Variants in TENM4 observed in about 807,000 individuals in gnomAD.
The protein encoded by TENM4 is teneurin transmembrane protein 4, also known as teneurin-4.
TENM4 carries 82 observed loss-of-function variants against 243.3 expected under a neutral mutation model. That is an observed-to-expected ratio of 0.34 (90% CI 0.28 to 0.40). The LOEUF (loss-of-function observed/expected upper bound fraction) is 0.40, where lower values mean the gene tolerates loss of function less well. TENM4 is among the 10% of genes least tolerant of loss of function. TENM4 has a pLI of 1.00. For synonymous variants in TENM4, 1,412 were observed against 1,456.3 expected (o/e 0.97, Z 0.69); for missense variants, 3,138 against 3,673.3 (o/e 0.85, Z 3.77).
chr11:78,911,501 G>A (rs1302554518), intron 6 of TENM4, among the ~76,000 whole-genome samples: 4 of 152,224 alleles, frequency 2.6e-5, no homozygotes, highest in Admixed American at 2.6e-4. Flanking sequence ...AAGAGAGAGA[G>A]GCTGGAGTAA....
intron 23 of TENM4, among the ~76,000 whole-genome samples, chr11:78,724,487 G>C (rs77767145): frequency 0.035 from 5,339 of 152,286 alleles, 271 homozygotes; most frequent in African/African-American, 0.11. Flanking sequence ...AGTGTGAAGT[G>C]AGGACTTAAT....
In TENM4 at chr11:79,438,289, C is replaced by T. The variant is rs1859320633; in HGVS notation, c.-321+2220G>A. 6.6e-6 allele frequency among the ~76,000 whole-genome samples: 1 copy of T among 152,186 alleles called. No individual in the cohort carries two copies. The highest frequency in any genetic ancestry group is 1.5e-5 in the Non-Finnish European group (1 of 68,030). ...TAAAAGCATACTCTTACTGTGGTTT[C>T]TCTATCAAAGCCCATCAACGTGATA... On this transcript the variant is annotated intron_variant, in intron 1 of 33. Transcript: ENST00000278550. The surrounding 1 kb of genome is among the most constrained non-coding windows in gnomAD (Gnocchi z 4.1).
intron 4 of TENM4, among the ~76,000 whole-genome samples, chr11:79,102,385 T>C (rs562189440): frequency 6.6e-6 from 1 of 152,294 alleles, no homozygotes; most frequent in East Asian, 1.9e-4. Flanking sequence ...CATGGGCTGG[T>C]GCAATGGTAA....
chr11:79,021,160 C>G (rs1858916679), intron 6 of TENM4, among the ~76,000 whole-genome samples: 1 of 152,166 alleles, frequency 6.6e-6, no homozygotes, highest in Admixed American at 6.5e-5. Flanking sequence ...GAAAGTGACT[C>G]TTTATTCTAC....
chr11:79,330,381 T>A (rs2135443443), intron 1 of TENM4, among the ~76,000 whole-genome samples: 1 of 152,272 alleles, frequency 6.6e-6, no homozygotes, highest in Admixed American at 6.5e-5. Flanking sequence ...CTCTGCTCAG[T>A]CCCTGCCTTC....
At chr11:79,224,858 G>A (rs1864232333) in intron 2 of TENM4, among the ~76,000 whole-genome samples, 1 of 152,040 alleles carries the variant, frequency 6.6e-6, no homozygotes, top group South Asian at 2.1e-4. Flanking sequence ...GGCTGAGACA[G>A]GAGAATCACT....
chr11:79,337,492 G>C (rs1857166108), intron 1 of TENM4, among the ~76,000 whole-genome samples: 1 of 152,176 alleles, frequency 6.6e-6, no homozygotes, highest in Non-Finnish European at 1.5e-5. Context: ...TTTGAAATTG[G>C]AATTGAGGAG....
At chr11:79,268,681 G>T (rs1428529740) in intron 2 of TENM4, among the ~76,000 whole-genome samples, 1 of 152,170 alleles carries the variant, frequency 6.6e-6, no homozygotes, top group Admixed American at 6.5e-5. Flanking sequence ...CCCAGCTGAG[G>T]TTAAACAAAA....
At chr11:79,254,084 T>C (rs548573588) in intron 2 of TENM4, among the ~76,000 whole-genome samples, 216 of 152,254 alleles carry the variant, frequency 1.4e-3, no homozygotes, top group Non-Finnish European at 2.7e-3. Flanking sequence ...TCGATGGGAG[T>C]GTCCACTGGT....
intron 3 of TENM4, among the ~76,000 whole-genome samples, chr11:79,187,625 T>A (rs766133617): frequency 6.6e-6 from 1 of 152,190 alleles, no homozygotes; most frequent in Non-Finnish European, 1.5e-5. Flanking sequence ...TCCCACTAGT[T>A]CCTATGTTGA....
chr11:79,383,422 C>A (rs376666806), intron 1 of TENM4, among the ~76,000 whole-genome samples: 6 of 152,362 alleles, frequency 3.9e-5, no homozygotes, highest in African/African-American at 1.2e-4. Context: ...CCACAAAACA[C>A]TTCCTTCATT....
intron 22 of TENM4, among the ~76,000 whole-genome samples, chr11:78,728,956 T>G (rs942679099): frequency 3.3e-5 from 5 of 151,946 alleles, no homozygotes; most frequent in Non-Finnish European, 1.5e-5. Context: ...CCAAAAAGCA[T>G]TTTTGATGGA....
chr11:79,367,566 T>C (rs147623343), intron 1 of TENM4, among the ~76,000 whole-genome samples: 22 of 152,358 alleles, frequency 1.4e-4, no homozygotes, highest in African/African-American at 4.6e-4. Flanking sequence ...ATTTTGTCCA[T>C]AGCTACTTGT....
At chr11:78,670,643 G>T in intron 31 of TENM4, 92 bp from the exon 32 acceptor site, 1 of 1,247,514 alleles carries the variant, frequency 8.0e-7, no homozygotes, top group Non-Finnish European at 1.1e-6. Flanking sequence ...CGGAATGAAT[G>T]TCCAAGGAGA....
At chr11:79,373,338 A>G (rs12791196) in intron 1 of TENM4, among the ~76,000 whole-genome samples, 2 of 148,186 alleles carry the variant, frequency 1.3e-5, no homozygotes, top group East Asian at 2.1e-4. Flanking sequence ...GGCTGGATGG[A>G]TGGATGGATG....
chr11:79,041,128 A>G (rs1328891444), intron 6 of TENM4, among the ~76,000 whole-genome samples: 1 of 151,918 alleles, frequency 6.6e-6, no homozygotes, highest in African/African-American at 2.4e-5. Context: ...CAGTGGCACA[A>G]TCTTAGCTCA....
intron 6 of TENM4, among the ~76,000 whole-genome samples, chr11:78,957,382 T>A (rs1246778542): frequency 1.3e-5 from 2 of 152,212 alleles, no homozygotes; most frequent in Non-Finnish European, 2.9e-5. Context: ...CACTGGACCT[T>A]CCTTTCAACT....
intron 6 of TENM4, among the ~76,000 whole-genome samples, chr11:79,023,984 G>A (rs1220057186): frequency 1.3e-5 from 2 of 152,232 alleles, no homozygotes; most frequent in Admixed American, 6.5e-5. Context: ...ACAGTTCAGA[G>A]AAGTTAAATA....
At chr11:79,275,457 A>G (rs921530877) in intron 2 of TENM4, among the ~76,000 whole-genome samples, 1 of 152,262 alleles carries the variant, frequency 6.6e-6, no homozygotes, top group African/African-American at 2.4e-5. Flanking sequence ...TGCACTCTGC[A>G]GGTGAGAAGA....
Sources: allele counts gnomAD v4.1 joint callset (sites outside exome capture counted in the v4.1 genomes callset), GRCh38; gene constraint gnomAD v4.1.1; non-coding constraint Gnocchi (gnomAD v3.1); transcripts MANE v1.5; gene names NCBI Gene and HGNC (gene_info 2026-07-23, HGNC 2026-07-21).